Variants in H2BK1 observed in about 807,000 individuals in gnomAD.
H2BK1 encodes H2B.K variant histone 1.
the H2BK1 span, among the ~76,000 whole-genome samples, chr7:151,209,564 G>A: frequency 7.2e-5 from 11 of 152,254 alleles, no homozygotes; most frequent in Non-Finnish European, 1.5e-4. Context: ...GCTGCTTTTC[G>A]TGCATGAATA....
chr7:151,208,548 A>G, the H2BK1 span, among the ~76,000 whole-genome samples: 8 of 152,190 alleles, frequency 5.3e-5, no homozygotes, highest in Non-Finnish European at 1.2e-4. Flanking sequence ...TTTTGCTATT[A>G]GATGGTGCTA....
chr7:151,209,376 G>A, the H2BK1 span, among the ~76,000 whole-genome samples: 92 of 152,144 alleles, frequency 6.0e-4, no homozygotes, highest in African/African-American at 2.1e-3. Context: ...ATTTGGACTG[G>A]AGACAGGCAT....
chr7:151,207,945 G>A, the H2BK1 span: 1 of 1,298,578 alleles, frequency 7.7e-7, no homozygotes, highest in East Asian at 2.3e-5. Flanking sequence ...TCCCCAGGCA[G>A]CAGCAGACGC....
the H2BK1 span, chr7:151,207,933 G>A: frequency 7.9e-7 from 1 of 1,258,228 alleles, no homozygotes; most frequent in East Asian, 2.3e-5. Context: ...TGCTTGGCCA[G>A]CTCCCCAGGC....
the H2BK1 span, among the ~76,000 whole-genome samples, chr7:151,208,446 T>C: frequency 6.6e-6 from 1 of 152,268 alleles, no homozygotes; most frequent in Non-Finnish European, 1.5e-5. Context: ...TGCATTTGCA[T>C]AGTGTTCCAC....
the H2BK1 span, among the ~76,000 whole-genome samples, chr7:151,208,779 TCA>T: frequency 2.6e-5 from 4 of 152,200 alleles, no homozygotes; most frequent in Non-Finnish European, 5.9e-5. Context: ...CCTCTGGGCC[TCA>T]GTTTCCTCTT....
chr7:151,210,399 G>T, the H2BK1 span: 1 of 354,638 alleles, frequency 2.8e-6, no homozygotes, highest in Non-Finnish European at 4.8e-6. Context: ...GGTGTGGCTG[G>T]GGACATGCAC....
chr7:151,207,886 G>T, the H2BK1 span: 2 of 1,019,000 alleles, frequency 2.0e-6, no homozygotes, highest in Non-Finnish European at 3.1e-6. Context: ...TGGAGCTGGT[G>T]TACTTGGTGA....
At chr7:151,209,768 G>C in the H2BK1 span, among the ~76,000 whole-genome samples, 1 of 152,092 alleles carries the variant, frequency 6.6e-6, no homozygotes, top group Admixed American at 6.6e-5. Flanking sequence ...AGAACTGAGT[G>C]CCACTTGTCC....
the H2BK1 span, chr7:151,210,411 TGGG>T: frequency 8.9e-6 from 1 of 112,526 alleles, no homozygotes; most frequent in East Asian, 1.8e-4. Context: ...GACATGCACC[TGGG>T]AGGGGGGGGG....
chr7:151,210,248 G>A, the H2BK1 span: 1,002 of 399,252 alleles, frequency 2.5e-3, 16 homozygotes, highest in African/African-American at 0.019. Flanking sequence ...GCGCTTTTTG[G>A]ACTTTTTGTT....
chr7:151,210,327 T>A, the H2BK1 span: 2 of 395,462 alleles, frequency 5.1e-6, no homozygotes, highest in African/African-American at 4.1e-5. Context: ...ATCCTCCTGC[T>A]TCTCGAATAG....
chr7:151,209,106 G>A, the H2BK1 span, among the ~76,000 whole-genome samples: 1 of 152,086 alleles, frequency 6.6e-6, no homozygotes, highest in Non-Finnish European at 1.5e-5. Flanking sequence ...AGGAGGTTGA[G>A]GGGTTGGCCC....
chr7:151,208,677 G>A, the H2BK1 span, among the ~76,000 whole-genome samples: 1 of 152,190 alleles, frequency 6.6e-6, no homozygotes, highest in Non-Finnish European at 1.5e-5. Context: ...CAGTGAGCCT[G>A]TCCATGTGAC....
the H2BK1 span, chr7:151,208,205 G>T: frequency 8.0e-7 from 1 of 1,242,808 alleles, no homozygotes; most frequent in Non-Finnish European, 1.2e-6. Context: ...GGGGCTCTAG[G>T]AAGCCAGAGG....
chr7:151,210,388 A>C, the H2BK1 span: 1 of 197,924 alleles, frequency 5.1e-6, no homozygotes, highest in Non-Finnish European at 9.3e-6. Context: ...CTGCCCCACC[A>C]GGTGTGGCTG....
At chr7:151,210,349 C>A in the H2BK1 span, 1 of 398,602 alleles carries the variant, frequency 2.5e-6, no homozygotes, top group Non-Finnish European at 4.4e-6. Context: ...CCTCACCCAC[C>A]CCCTTGGAGC....
At chr7:151,210,303 C>T in the H2BK1 span, 1 of 398,694 alleles carries the variant, frequency 2.5e-6, no homozygotes, top group Non-Finnish European at 4.4e-6. Flanking sequence ...TGCCGCTGTC[C>T]ATACTCAGCG....
the H2BK1 span, chr7:151,207,864 C>T: frequency 1.6e-5 from 14 of 899,768 alleles, no homozygotes; most frequent in Non-Finnish European, 2.6e-5. Flanking sequence ...TTTTGTCAGG[C>T]CCTGGGTCAC....
Sources: allele counts gnomAD v4.1 joint callset (sites outside exome capture counted in the v4.1 genomes callset), GRCh38; gene constraint gnomAD v4.1.1; transcripts MANE v1.5; gene names NCBI Gene and HGNC (gene_info 2026-07-23, HGNC 2026-07-21).